Variants in CARS1 observed in about 807,000 individuals in gnomAD.
CARS1 encodes cysteine--tRNA ligase, cytoplasmic.
CARS1 carries 48 observed loss-of-function variants against 106.2 expected under a neutral mutation model. That is an observed-to-expected ratio of 0.45 (90% confidence interval 0.36 to 0.57). The LOEUF is 0.57. Among genes scored for constraint, CARS1 ranks in the 20% least tolerant of loss-of-function variants. CARS1 has a pLI of 0.00. For synonymous variants in CARS1, 409 were observed against 403.4 expected (o/e 1.01, Z -0.17); for missense variants, 968 against 1,057.2 (o/e 0.92, Z 1.17).
chr11:3,030,683 G>A lies in CARS1; in HGVS notation c.802-1240C>T, dbSNP rs1852644439. The A allele has an allele frequency of 6.6e-6, 1 of 152,292 alleles. No individual in the cohort carries two copies. The highest frequency in any genetic ancestry group is 2.1e-4 in the South Asian group (1 of 4,820). The allele number at this position is 152,292 out of a possible 1,614,324, so 9.4% of individuals were successfully genotyped here. ...CGACAAACAGATGGACGCTTCAGAT[G>A]GAGGAGTTATCAGATACATAATAAA... is the stretch of plus-strand genomic sequence containing the variant. On this transcript the variant is annotated intron_variant, in intron 7 of 22. Transcript: ENST00000380525. This position sits in a 1 kb window ranked among gnomAD's most constrained non-coding sequence, Gnocchi z 5.7.
chr11:3,032,295 T>G (rs1172046209), intron 7 of CARS1, among the ~76,000 whole-genome samples: 1 of 151,948 alleles, frequency 6.6e-6, no homozygotes, highest in Non-Finnish European at 1.5e-5. Flanking sequence ...ATGGTCTCAA[T>G]CTCTTGACCT....
At chr11:3,006,797 T>G in intron 19 of CARS1, 82 bp downstream of exon 19, 1 of 1,113,330 alleles carries the variant, frequency 9.0e-7, no homozygotes, top group Non-Finnish European at 1.4e-6. Flanking sequence ...AGCATGAGCC[T>G]CAGCCCAGCC....
chr11:3,025,806 G>A (rs904322744), intron 10 of CARS1, among the ~76,000 whole-genome samples: 3 of 152,146 alleles, frequency 2.0e-5, no homozygotes, highest in Non-Finnish European at 4.4e-5. Flanking sequence ...TGATATCTGT[G>A]TTTGAAGCAT....
rs905970698 is a variant in CARS1 at position 3,052,112 on chromosome 11, A to G, written c.26-4111T>C. The stretch of plus-strand genomic sequence containing the variant: ...CTGCTATTTTTAAAATGAGAAAAAC[A>G]TCAAATGTCCTAACGGCGGCTGCAG... On this transcript the variant is annotated intron_variant, in intron 1 of 22. Transcript: ENST00000380525. This position sits in a 1 kb window ranked among gnomAD's most constrained non-coding sequence, Gnocchi z 4.6. Among the ~76,000 whole-genome samples the G allele has an allele frequency of 3.9e-5, 6 of 152,260 alleles. No individual in the cohort carries two copies. The highest frequency in any genetic ancestry group is 1.4e-4 in the African/African-American group (6 of 41,474).
Position 3,006,805 on chromosome 11 carries a change from GC to G in CARS1, c.2149+73del, listed in dbSNP as rs1849911415. ...ATCATGAAGCATGAGCCTCAGCCCA[GC>G]CCCGGGAGCTCTCCTTGTGACACCT... On this transcript the variant is annotated intron_variant, in intron 19 of 22. Transcript: ENST00000380525. 6 of 1,177,832 alleles carry G rather than the reference GC, an allele frequency of 5.1e-6. No individual in the cohort carries two copies. In the Admixed American group the frequency reaches 1.0e-4, roughly 20 times the overall value. The allele number at this position is 1,177,832 out of a possible 1,614,324, so 73.0% of individuals were successfully genotyped here.
In CARS1 at chr11:3,002,460, G is replaced by A. The variant is rs527239558; in HGVS notation, c.2277+81C>T. On this transcript the variant is annotated intron_variant, in intron 21 of 22. Transcript: ENST00000380525. ...TGCAGGGGCCTGGCTAAGGTCCACG[G>A]AGGCACAGAGAGCCACAGGGCATGG... 2,902 of 1,590,542 alleles carry A rather than the reference G, an allele frequency of 1.8e-3. 5 individuals carry two copies. The highest frequency in any genetic ancestry group is 2.4e-3 in the South Asian group (203 of 86,362).
At chr11:3,035,041 C>T (rs1235977381) in intron 7 of CARS1, among the ~76,000 whole-genome samples, 1 of 152,014 alleles carries the variant, frequency 6.6e-6, no homozygotes, top group African/African-American at 2.4e-5. Flanking sequence ...GATAACTACC[C>T]CACTTCTGTG....
Position 3,019,839 on chromosome 11 carries a change from C to T in CARS1, c.1266+381G>A, listed in dbSNP as rs1012917852. 3.9e-5 allele frequency among the ~76,000 whole-genome samples: 6 copies of T among 152,090 alleles called. No individual in the cohort carries two copies. Among genetic ancestry groups the T allele is most frequent in the African/African-American group, 9.7e-5 (4 of 41,402 alleles). On this transcript the variant is annotated intron_variant, in intron 11 of 22. Transcript: ENST00000380525. This position sits in a 1 kb window ranked among gnomAD's most constrained non-coding sequence, Gnocchi z 6.2. Reference sequence around the variant, plus strand: ...AGCCCTTGACAGCTGCAGATGGTCACGCCCCTTCCTAGGGTACCCTGCAGT... The same window carrying T: ...AGCCCTTGACAGCTGCAGATGGTCATGCCCCTTCCTAGGGTACCCTGCAGT...
chr11:3,021,132 A>G lies in CARS1; in HGVS notation c.1154-800T>C, dbSNP rs773508799. On this transcript the variant is annotated intron_variant, in intron 10 of 22. Coordinates refer to ENST00000380525, the MANE Select transcript of CARS1 (RefSeq NM_001014437.3). This position sits in a 1 kb window ranked among gnomAD's most constrained non-coding sequence, Gnocchi z 5.3. ...AGGGTACAAGGCGGTCTGAGTCCCC[A>G]GAAAAGGAATGCACCATCACTGCAG... Among the ~76,000 whole-genome samples the G allele has an allele frequency of 6.6e-6, 1 of 152,216 alleles. No individual in the cohort carries two copies. Among genetic ancestry groups the G allele is most frequent in the Non-Finnish European group, 1.5e-5 (1 of 68,040 alleles).
At chr11:3,054,161 TC>T (rs1318633247) in intron 1 of CARS1, among the ~76,000 whole-genome samples, 7 of 152,010 alleles carry the variant, frequency 4.6e-5, no homozygotes, top group Non-Finnish European at 7.4e-5. Flanking sequence ...GGTGAGGGCT[TC>T]CCCTCCCACT....
chr11:3,053,741 C>T lies in CARS1; in HGVS notation c.25+3602G>A, dbSNP rs1855911957. On this transcript the variant is annotated intron_variant, in intron 1 of 22. Transcript: ENST00000380525. The surrounding 1 kb of genome is among the most constrained non-coding windows in gnomAD (Gnocchi z 6.6). ...AGCAAGTGAGGTTTAAACCAGCTTC[C>T]CCATGGGTGGAAAGCTTGCTAAAAT... 6.6e-6 allele frequency among the ~76,000 whole-genome samples: 1 copy of T among 152,108 alleles called. No homozygotes were observed. The highest frequency in any genetic ancestry group is 1.5e-5 in the Non-Finnish European group (1 of 68,020).
In CARS1 at chr11:3,000,937, G is replaced by C. The variant is rs1306895466; in HGVS notation, c.*177C>G. On this transcript the variant is annotated 3_prime_UTR_variant, in exon 23 of 23. Transcript: ENST00000380525. This position sits in a 1 kb window ranked among gnomAD's most constrained non-coding sequence, Gnocchi z 7.1. ...ACAAGACAGAGAGGGTCTCACTGTTGAGAAAAATTTATTATCAATGTCTCA... is the reference window on the plus strand; with the variant it reads ...ACAAGACAGAGAGGGTCTCACTGTTCAGAAAAATTTATTATCAATGTCTCA... 3 of 691,896 alleles carry C rather than the reference G, an allele frequency of 4.3e-6. No individual in the cohort carries two copies. The highest frequency in any genetic ancestry group is 7.2e-6 in the Non-Finnish European group (3 of 416,304). 42.9% of individuals were successfully genotyped at this position (691,896 alleles called of 1,614,324 possible).
At chr11:3,054,679 T>C (rs1189920941) in intron 1 of CARS1, among the ~76,000 whole-genome samples, 2 of 152,222 alleles carry the variant, frequency 1.3e-5, no homozygotes, top group Admixed American at 6.5e-5. Context: ...GCTTGACTTC[T>C]CTGAACCTCA....
rs1384765920 is a variant in CARS1, at chr11:3,038,371, C to T, written c.652-172G>A. Among the ~76,000 whole-genome samples, 2 of 152,158 alleles carry T rather than the reference C, an allele frequency of 1.3e-5. No homozygotes were observed. The highest frequency in any genetic ancestry group is 2.9e-5 in the Non-Finnish European group (2 of 68,024). ...AGGAACTAAGAGAGACTGAAGCTCCCGGCTCAGGAGCTCCTGGTTCTGCCC... is the reference window on the plus strand; with the variant it reads ...AGGAACTAAGAGAGACTGAAGCTCCTGGCTCAGGAGCTCCTGGTTCTGCCC... On this transcript the variant is annotated intron_variant, in intron 6 of 22. Transcript: ENST00000380525. This position sits in a 1 kb window ranked among gnomAD's most constrained non-coding sequence, Gnocchi z 4.0.
rs549220370 is a variant in CARS1 at position 3,012,206 on chromosome 11, C to T, written c.2057G>A (p.Arg686Gln). 8.1e-6 allele frequency: 13 copies of T among 1,614,102 alleles called. No homozygotes were observed. The highest frequency in any genetic ancestry group is 2.2e-5 in the East Asian group (1 of 44,880). Reference protein sequence around the residue: ...EFREGVRKIAREQKVPEILQL... With the variant: ...EFREGVRKIAQEQKVPEILQL... ...CAACTGGTCCTCACCTTTTTGCTCT[C>T]GGGCAATCTTCCGCACTCCTTCTCG... The change falls in exon 18 of 23, where the codon CGA (arginine) becomes CAA (glutamine). Residue 686 changes from arginine (R) to glutamine (Q), a missense_variant. By Grantham distance (43) the Arg-to-Gln change is conservative (BLOSUM62 1). Coordinates refer to ENST00000380525, the MANE Select transcript of CARS1 (RefSeq NM_001014437.3).
chr11:3,038,305 A>G lies in CARS1; in HGVS notation c.652-106T>C. The stretch of plus-strand genomic sequence containing the variant: ...ACAGAACGGTTTTTCCCATGGCCCC[A>G]TAGAGATAGAGAAGTGTGCAACCCA... On this transcript the variant is annotated intron_variant, in intron 6 of 22. Coordinates refer to ENST00000380525, the MANE Select transcript of CARS1 (RefSeq NM_001014437.3). This position sits in a 1 kb window ranked among gnomAD's most constrained non-coding sequence, Gnocchi z 4.0. The G allele has an allele frequency of 2.9e-6, 3 of 1,048,504 alleles. No individual in the cohort carries two copies. The highest frequency in any genetic ancestry group is 2.9e-6 in the Non-Finnish European group (2 of 700,614). 65.0% of individuals were successfully genotyped at this position (1,048,504 alleles called of 1,614,324 possible). A position where few individuals can be genotyped will look rare whatever the true frequency, so the allele number is the denominator to read the frequency against.
chr11:3,008,490 G>T lies in CARS1; in HGVS notation c.2069-1531C>A, dbSNP rs887570933. Reference sequence around the variant, plus strand: ...AAAAACTATCTGGGTGTGGTGGCATGTGCCTGTAATCCCAGCTACTTGGGA... The same window carrying T: ...AAAAACTATCTGGGTGTGGTGGCATTTGCCTGTAATCCCAGCTACTTGGGA... On this transcript the variant is annotated intron_variant, in intron 18 of 22. Transcript: ENST00000380525. The surrounding 1 kb of genome is among the most constrained non-coding windows in gnomAD (Gnocchi z 5.1). The T allele has an allele frequency of 6.6e-6, 1 of 151,974 alleles. No homozygotes were observed. The highest frequency in any genetic ancestry group is 2.4e-5 in the African/African-American group (1 of 41,332). The allele number at this position is 151,974 out of a possible 1,614,324, so 9.4% of individuals were successfully genotyped here.
chr11:3,001,520 C>A lies in CARS1; in HGVS notation c.2362-272G>T, dbSNP rs78636976. On this transcript the variant is annotated intron_variant, in intron 22 of 22. Coordinates refer to ENST00000380525, the MANE Select transcript of CARS1 (RefSeq NM_001014437.3). ...TGTGCCCCTCAGAGCCTACCCATGGCTGAGTTCTGACACAGCTGGCCCAAA... is the reference window on the plus strand; with the variant it reads ...TGTGCCCCTCAGAGCCTACCCATGGATGAGTTCTGACACAGCTGGCCCAAA... Among the ~76,000 whole-genome samples, 1,453 of 152,318 alleles carry A rather than the reference C, an allele frequency of 9.5e-3. 14 individuals are homozygous for A. The highest frequency in any genetic ancestry group is 0.014 in the Non-Finnish European group (931 of 68,022).
chr11:3,022,268 C>G lies in CARS1; in HGVS notation c.1154-1936G>C, dbSNP rs147638788. On this transcript the variant is annotated intron_variant, in intron 10 of 22. Coordinates refer to ENST00000380525, the MANE Select transcript of CARS1 (RefSeq NM_001014437.3). The surrounding 1 kb of genome is among the most constrained non-coding windows in gnomAD (Gnocchi z 4.9). ...AAGGTATTTTTTGGATCCTGAATTC[C>G]AGCAGGACAGCTGTTGCCAACTGGT... 3.5e-4 allele frequency among the ~76,000 whole-genome samples: 54 copies of G among 152,274 alleles called. No individual in the cohort carries two copies. The highest frequency in any genetic ancestry group is 5.1e-4 in the Non-Finnish European group (35 of 68,012).
Sources: gnomAD v4.1 joint callset for allele counts (sites outside exome capture counted in the v4.1 genomes callset) on GRCh38, gnomAD v4.1.1 for gene constraint, Gnocchi (gnomAD v3.1) non-coding constraint, MANE v1.5 for transcripts, NCBI Gene and HGNC (gene_info 2026-07-23, HGNC 2026-07-21) for gene names.